MRPS28: variants seen among roughly 807,000 people sequenced by gnomAD.
MRPS28 encodes small ribosomal subunit protein bS1m.
A neutral mutation model predicts 10.8 loss-of-function variants in MRPS28; 7 were observed. The observed-to-expected ratio is 0.65, with a 90% CI of 0.37 to 1.22. The LOEUF (loss-of-function observed/expected upper bound fraction) is 1.22, where lower values mean the gene tolerates loss of function less well. Ranked by LOEUF, MRPS28 falls within the 50% of genes most tolerant of loss-of-function variation. MRPS28 has a pLI of 0.02. For missense variants in MRPS28, 265 were observed against 232.9 expected, an observed-to-expected ratio of 1.14 and a Z score of -0.90; for synonymous variants, 121 against 93.3, an observed-to-expected ratio of 1.30 and a Z score of -1.71.
At chr8:79,967,919 C>A (rs190626048) in intron 2 of MRPS28, among the ~76,000 whole-genome samples, 58 of 152,162 alleles carry the variant, frequency 3.8e-4, no homozygotes, top group Non-Finnish European at 7.5e-4. Context: ...ATAACTGATA[C>A]ATACTATTTA....
intron 2 of MRPS28, among the ~76,000 whole-genome samples, chr8:79,944,378 T>G (rs557339445): frequency 5.9e-5 from 9 of 152,344 alleles, no homozygotes; most frequent in African/African-American, 2.2e-4. Flanking sequence ...CTCTTAGGAC[T>G]AAAGGATGGG....
chr8:80,023,826 T>C (rs1809432131), intron 1 of MRPS28, among the ~76,000 whole-genome samples: 1 of 152,228 alleles, frequency 6.6e-6, no homozygotes, highest in East Asian at 2.0e-4. Flanking sequence ...ATAGCACAGC[T>C]CCCAATTGCC....
chr8:80,021,900 A>T (rs1020884469), intron 1 of MRPS28, among the ~76,000 whole-genome samples: 10 of 152,234 alleles, frequency 6.6e-5, no homozygotes, highest in African/African-American at 2.4e-4. Flanking sequence ...AGACTATAGT[A>T]TGATATCACA....
intron 2 of MRPS28, among the ~76,000 whole-genome samples, chr8:79,952,542 T>C (rs1334656346): frequency 6.6e-6 from 1 of 152,146 alleles, no homozygotes; most frequent in Non-Finnish European, 1.5e-5. Context: ...CCTATGCCCC[T>C]CAAATGGGCT....
Position 79,977,398 on chromosome 8 carries a change from T to C in MRPS28, c.395+25601A>G, listed in dbSNP as rs11992257. Reference sequence around the variant, plus strand: ...AATTTGGCTTGATCACTGAAAAATATCAACTTTGACAGCTCAGTGATCAAT... The same window carrying C: ...AATTTGGCTTGATCACTGAAAAATACCAACTTTGACAGCTCAGTGATCAAT... On this transcript the variant is annotated intron_variant, in intron 2 of 2. Transcript: ENST00000276585. Among the ~76,000 whole-genome samples, 1,015 of 152,268 alleles carry C rather than the reference T, an allele frequency of 6.7e-3. 12 individuals carry two copies. The highest frequency in any genetic ancestry group is 0.022 in the African/African-American group (906 of 41,556).
At chr8:79,999,674 G>A (rs781411200) in intron 2 of MRPS28, among the ~76,000 whole-genome samples, 1 of 152,218 alleles carries the variant, frequency 6.6e-6, no homozygotes, top group Non-Finnish European at 1.5e-5. Context: ...AAGAGCTGGA[G>A]TTGTTATCTA....
chr8:79,923,407 T>TAAATATAA (rs1215515847), intron 2 of MRPS28, among the ~76,000 whole-genome samples: 2 of 152,208 alleles, frequency 1.3e-5, no homozygotes, highest in Non-Finnish European at 2.9e-5. Context: ...GTCTTTCCTA[T>TAAATATAA]GAAGTAAAAT....
At chr8:80,028,449 T>C (rs930046118) in intron 1 of MRPS28, among the ~76,000 whole-genome samples, 15 of 151,766 alleles carry the variant, frequency 9.9e-5, no homozygotes, top group African/African-American at 3.6e-4. Context: ...GACTTCTCCA[T>C]ATATGGTAGA....
chr8:79,952,663 CCCACG>C (rs1010025163), intron 2 of MRPS28, among the ~76,000 whole-genome samples: 1 of 152,140 alleles, frequency 6.6e-6, no homozygotes, highest in Non-Finnish European at 1.5e-5. Context: ...AGGAAAGAGT[CCCACG>C]CCATCAACAG....
Position 79,918,789 on chromosome 8 carries a change from A to G in MRPS28, c.*191T>C, listed in dbSNP as rs1187691629. 3 of 290,546 alleles carry G rather than the reference A, an allele frequency of 1.0e-5. No individual in the cohort carries two copies. Among genetic ancestry groups the G allele is most frequent in the East Asian group, 1.3e-4 (2 of 15,142 alleles). The allele number at this position is 290,546 out of a possible 1,614,324, so 18.0% of individuals were successfully genotyped here. ...GTGTATACTATCCCCACCAAAGGAA[A>G]AAAACATTAAGAGCAAAACAAGGGG... On this transcript the variant is annotated 3_prime_UTR_variant, in exon 3 of 3. Coordinates refer to ENST00000276585, the MANE Select transcript of MRPS28 (RefSeq NM_014018.3).
At chr8:79,942,380 C>T (rs970636923) in intron 2 of MRPS28, among the ~76,000 whole-genome samples, 11 of 152,108 alleles carry the variant, frequency 7.2e-5, no homozygotes, top group African/African-American at 4.8e-5. Flanking sequence ...TTATATCTAC[C>T]TCAAGATGGC....
At chr8:79,984,476 T>A (rs1453088324) in intron 2 of MRPS28, among the ~76,000 whole-genome samples, 2 of 152,146 alleles carry the variant, frequency 1.3e-5, no homozygotes, top group African/African-American at 4.8e-5. Flanking sequence ...AGACACAGAC[T>A]GGCAAATTGG....
chr8:79,953,078 C>T (rs1807118616), intron 2 of MRPS28, among the ~76,000 whole-genome samples: 2 of 152,194 alleles, frequency 1.3e-5, no homozygotes, highest in African/African-American at 4.8e-5. Context: ...TGTCCTAATC[C>T]TGCTCTGACC....
chr8:79,921,345 A>G (rs991495529), intron 2 of MRPS28, among the ~76,000 whole-genome samples: 5 of 152,134 alleles, frequency 3.3e-5, no homozygotes, highest in African/African-American at 1.2e-4. Flanking sequence ...TGGTAGCTTG[A>G]TGGGGATGGC....
intron 2 of MRPS28, among the ~76,000 whole-genome samples, chr8:79,987,285 T>C (rs376485886): frequency 2.0e-5 from 3 of 152,024 alleles, no homozygotes; most frequent in Admixed American, 6.5e-5. Context: ...TCAAGATGGA[T>C]TAAAGACTTA....
chr8:79,946,708 T>C lies in MRPS28; in HGVS notation c.396-27560A>G, dbSNP rs552509623. Among the ~76,000 whole-genome samples the C allele has an allele frequency of 4.6e-5, 7 of 152,292 alleles. No individual in the cohort carries two copies. In the South Asian group the frequency reaches 6.2e-4, roughly 14 times the overall value. The stretch of plus-strand genomic sequence containing the variant: ...CTAAAGTAAATTTTCTAAAGTAATT[T>C]CTAAATTTTCCTAACCTTTTCAGTA... On this transcript the variant is annotated intron_variant, in intron 2 of 2. Transcript: ENST00000276585.
intron 2 of MRPS28, among the ~76,000 whole-genome samples, chr8:79,922,472 T>G (rs992399963): frequency 6.6e-6 from 1 of 152,184 alleles, no homozygotes; most frequent in Non-Finnish European, 1.5e-5. Flanking sequence ...TATTTTGTGT[T>G]CTCATCATCA....
At chr8:80,025,360 T>C (rs1809468929) in intron 1 of MRPS28, among the ~76,000 whole-genome samples, 1 of 152,202 alleles carries the variant, frequency 6.6e-6, no homozygotes, top group Non-Finnish European at 1.5e-5. Flanking sequence ...AACATTGTCA[T>C]GCACTGTAGG....
In MRPS28 at chr8:80,029,790, C is replaced by G. The variant is rs549087048; in HGVS notation, c.213+246G>C. On this transcript the variant is annotated intron_variant, in intron 1 of 2. Coordinates refer to ENST00000276585, the MANE Select transcript of MRPS28 (RefSeq NM_014018.3). ...CCACCAGCATTCAATCCCAGGAAAA[C>G]AAGCGCAGTGTGGACAGACCCGGCC... 189 of 1,516,986 alleles carry G rather than the reference C, an allele frequency of 1.2e-4. No homozygotes were observed. In the African/African-American group the frequency reaches 1.3e-3, roughly 10 times the overall value. The allele number at this position is 1,516,986 out of a possible 1,614,324, so 94.0% of individuals were successfully genotyped here.
Sources: gnomAD v4.1 joint callset for allele counts (sites outside exome capture counted in the v4.1 genomes callset) on GRCh38, gnomAD v4.1.1 for gene constraint, MANE v1.5 for transcripts, NCBI Gene and HGNC (gene_info 2026-07-23, HGNC 2026-07-21) for gene names.